CD109: variants seen among roughly 807,000 people sequenced by gnomAD.
CD109 encodes CD109 antigen.
CD109 carries 149 observed loss-of-function variants against 165.8 expected under a neutral mutation model. That is an observed-to-expected ratio of 0.90 (90% CI 0.79 to 1.03). CD109 has a LOEUF of 1.03. CD109 is among the 50% of genes least tolerant of loss of function. The probability of loss-of-function intolerance (pLI) is 0.00; values close to 1 mark genes in which losing one functional copy is unlikely to be tolerated. For synonymous variants in CD109, 585 were observed against 592.1 expected, an observed-to-expected ratio of 0.99 and a Z score of 0.18; for missense variants, 1,712 against 1,677.8, an observed-to-expected ratio of 1.02 and a Z score of -0.36.
At chr6:73,773,252 T>C (rs1774113803) in intron 15 of CD109, among the ~76,000 whole-genome samples, 2 of 150,974 alleles carry the variant, frequency 1.3e-5, no homozygotes, top group Admixed American at 6.6e-5. Flanking sequence ...TACATTAAAT[T>C]TTTTCAGATA....
intron 2 of CD109, among the ~76,000 whole-genome samples, chr6:73,707,699 G>C (rs1250503370): frequency 2.6e-5 from 4 of 151,992 alleles, no homozygotes; most frequent in African/African-American, 9.7e-5. Flanking sequence ...TACAAATTGA[G>C]ATGTGCCAGG....
intron 4 of CD109, 55 bp downstream of exon 4, chr6:73,730,629 C>T (rs1448305554): frequency 9.1e-6 from 10 of 1,101,218 alleles, no homozygotes; most frequent in Non-Finnish European, 1.3e-5. Flanking sequence ...CTAAACCCCT[C>T]TGGGAAGTTC....
chr6:73,747,679 A>G (rs1001697871), intron 5 of CD109, among the ~76,000 whole-genome samples: 14 of 152,000 alleles, frequency 9.2e-5, no homozygotes, highest in African/African-American at 3.1e-4. Flanking sequence ...CAAACTCTTC[A>G]TGTCCAGTAT....
intron 5 of CD109, among the ~76,000 whole-genome samples, chr6:73,750,032 C>T (rs974087492): frequency 6.6e-6 from 1 of 152,042 alleles, no homozygotes; most frequent in Non-Finnish European, 1.5e-5. Flanking sequence ...TAATCGAATA[C>T]CTTCAGTGTT....
At chr6:73,713,044 G>T (rs935357824) in intron 2 of CD109, among the ~76,000 whole-genome samples, 3 of 152,136 alleles carry the variant, frequency 2.0e-5, no homozygotes, top group Admixed American at 6.5e-5. Flanking sequence ...CAACAGCAGA[G>T]AAAGAGATTA....
At chr6:73,712,264 A>T (rs1478264631) in intron 2 of CD109, among the ~76,000 whole-genome samples, 1 of 152,176 alleles carries the variant, frequency 6.6e-6, no homozygotes, top group African/African-American at 2.4e-5. Flanking sequence ...GTGGGGGGAA[A>T]ACCCTTATTT....
chr6:73,770,756 A>T (rs1774006056), intron 14 of CD109, among the ~76,000 whole-genome samples: 1 of 152,160 alleles, frequency 6.6e-6, no homozygotes, highest in South Asian at 2.1e-4. Context: ...CTCAAAAACA[A>T]AAAAAGAAAA....
At chr6:73,754,725 G>T (rs912554924) in intron 5 of CD109, among the ~76,000 whole-genome samples, 1 of 152,092 alleles carries the variant, frequency 6.6e-6, no homozygotes, top group African/African-American at 2.4e-5. Flanking sequence ...TAAACTATGC[G>T]GGATATAAAA....
intron 2 of CD109, among the ~76,000 whole-genome samples, chr6:73,700,345 C>T (rs1351975402): frequency 6.6e-6 from 1 of 152,054 alleles, no homozygotes; most frequent in Admixed American, 6.6e-5. Context: ...CTCAGCCTCC[C>T]GAAGTGCTGG....
intron 26 of CD109, among the ~76,000 whole-genome samples, chr6:73,808,744 CA>C (rs1775657338): frequency 1.3e-5 from 2 of 151,096 alleles, no homozygotes; most frequent in South Asian, 4.2e-4. Flanking sequence ...ATGTGAATAC[CA>C]AAAAATGCTG....
chr6:73,816,543 C>T (rs75946415), intron 30 of CD109, among the ~76,000 whole-genome samples: 9,698 of 152,254 alleles, frequency 0.064, 528 homozygotes, highest in African/African-American at 0.14. Flanking sequence ...AGCCACTGTG[C>T]CCCACCTATT....
In CD109 at chr6:73,806,941, C is replaced by T. The variant is rs1775586920; in HGVS notation, c.3058C>T (p.His1020Tyr). 1 of 1,613,874 alleles carries T rather than the reference C, an allele frequency of 6.2e-7. No homozygotes were observed. The change falls in exon 25 of 33, where the codon CAT (histidine) becomes TAT (tyrosine). Residue 1020 changes from histidine (H) to tyrosine (Y), a missense_variant. By Grantham distance (83) the His-to-Tyr change is moderately conservative. Transcript: ENST00000287097. The part of the protein sequence containing the change: ...LHRTYTWLKG[H>Y]QKSNGEFWDP... Reference sequence around the variant, plus strand: ...CAGAACATACACTTGGCTTAAAGGACATCAGAAATCCAACGGTGAATTTTG... The same window carrying T: ...CAGAACATACACTTGGCTTAAAGGATATCAGAAATCCAACGGTGAATTTTG...
At chr6:73,702,167 G>T (rs1026196195) in intron 2 of CD109, among the ~76,000 whole-genome samples, 4 of 152,070 alleles carry the variant, frequency 2.6e-5, no homozygotes, top group Non-Finnish European at 4.4e-5. Context: ...TTAATGGAGT[G>T]TTAACCTTTT....
At position 73,823,343 on chromosome 6, in the gene CD109, A is replaced by G. The variant is rs1776165256; in HGVS notation, c.4163-115A>G. ...GTTGTTTCTTGTAAAGAAAAATAAA[A>G]TTAGGTTAAGAATGGAAAACTCAGA... is the stretch of plus-strand genomic sequence containing the variant. On this transcript the variant is annotated intron_variant, in intron 32 of 32. Coordinates refer to ENST00000287097, the MANE Select transcript of CD109 (RefSeq NM_133493.5). 7.8e-6 allele frequency: 6 copies of G among 770,606 alleles called. No homozygotes were observed. In the South Asian group the frequency reaches 1.1e-4, roughly 14 times the overall value. The allele number at this position is 770,606 out of a possible 1,614,324, so 47.7% of individuals were successfully genotyped here. A position where few individuals can be genotyped will look rare whatever the true frequency, so the allele number is the denominator to read the frequency against.
At chr6:73,735,335 A>G (rs938080631) in intron 4 of CD109, among the ~76,000 whole-genome samples, 5 of 152,196 alleles carry the variant, frequency 3.3e-5, no homozygotes, top group Non-Finnish European at 7.4e-5. Context: ...AAGTATTTCA[A>G]CCACTGTAAC....
At chr6:73,787,159 T>C in intron 20 of CD109, 75 bp from the exon 21 acceptor site, 1 of 909,084 alleles carries the variant, frequency 1.1e-6, no homozygotes, top group South Asian at 1.6e-5. Flanking sequence ...TGACAGTACT[T>C]AAACTGGTGA....
chr6:73,704,956 C>A (rs1276704382), intron 2 of CD109, among the ~76,000 whole-genome samples: 1 of 152,116 alleles, frequency 6.6e-6, no homozygotes. Context: ...CAGAGCTATA[C>A]AGATGTCCAT....
At chr6:73,771,738 C>T (rs1339306196) in intron 15 of CD109, among the ~76,000 whole-genome samples, 157 bp downstream of exon 15, 7 of 152,230 alleles carry the variant, frequency 4.6e-5, no homozygotes, top group South Asian at 2.1e-4. Flanking sequence ...TAATCTGTAT[C>T]GTAATGGTTA....
Position 73,759,019 on chromosome 6 carries a change from T to C in CD109, c.749T>C (p.Ile250Thr). The C allele has an allele frequency of 6.3e-7, 1 of 1,591,384 alleles. No individual in the cohort carries two copies. The highest frequency in any genetic ancestry group is 1.3e-5 in the African/African-American group (1 of 74,582). Reference sequence around the variant, plus strand: ...AATTCTAAGCATTTAAATGGTACCATCACGGCAAAGTAAGTGTCATTTTTC... The same window carrying C: ...AATTCTAAGCATTTAAATGGTACCACCACGGCAAAGTAAGTGTCATTTTTC... ...SMNSKHLNGT[I>T]TAKYTYGKPV... Residue 250 changes from isoleucine to threonine, a missense_variant, in exon 7 of 33, where the codon ATC becomes ACC. Transcript: ENST00000287097.
Sources: gnomAD v4.1 joint callset for allele counts (sites outside exome capture counted in the v4.1 genomes callset) on GRCh38, gnomAD v4.1.1 for gene constraint, MANE v1.5 for transcripts, NCBI Gene and HGNC (gene_info 2026-07-23, HGNC 2026-07-21) for gene names.